The following ADGRB3 variants were observed in gnomAD, a reference collection of about 807,000 sequenced individuals.
The protein encoded by ADGRB3 is adhesion G protein-coupled receptor B3.
Under a neutral mutation model 193.4 loss-of-function variants are expected in ADGRB3, and 37 were observed. The ratio of observed to expected loss-of-function variants is 0.19; its 90% CI spans 0.15 to 0.25. The LOEUF (loss-of-function observed/expected upper bound fraction) is 0.25, where lower values mean the gene tolerates loss of function less well. Ranked by LOEUF, ADGRB3 falls within the 10% of genes least tolerant of loss-of-function variation. The probability of loss-of-function intolerance (pLI) is 1.00; values close to 1 mark genes in which losing one functional copy is unlikely to be tolerated. For missense variants in ADGRB3, 1,637 were observed against 1,852.9 expected, an observed-to-expected ratio of 0.88 and a Z score of 2.14; for synonymous variants, 690 against 644.2, an observed-to-expected ratio of 1.07 and a Z score of -1.08.
chr6:69,124,138 G>A (rs11968068), intron 17 of ADGRB3, among the ~76,000 whole-genome samples: 19,004 of 151,182 alleles, frequency 0.13, 1,254 homozygotes, highest in Middle Eastern at 0.29. Context: ...AATTTTTGAC[G>A]TATCTTTATC....
chr6:68,807,950 T>TGTC (rs1418377570), intron 3 of ADGRB3, among the ~76,000 whole-genome samples: 11 of 152,132 alleles, frequency 7.2e-5, no homozygotes, highest in Non-Finnish European at 1.2e-4. Context: ...TTTCCCAGGG[T>TGTC]GTCTCACTTC....
At chr6:68,952,731 G>T (rs199972122) in intron 6 of ADGRB3, among the ~76,000 whole-genome samples, 68 of 152,056 alleles carry the variant, frequency 4.5e-4, no homozygotes, top group African/African-American at 1.4e-3. Context: ...AAATAAAATC[G>T]CAAAAAATGC....
At position 69,065,120 on chromosome 6, in the gene ADGRB3, G is replaced by A. The variant is rs78893508; in HGVS notation, c.2436+2084G>A. On this transcript the variant is annotated intron_variant, in intron 16 of 31. Transcript: ENST00000370598. Reference sequence around the variant, plus strand: ...CACTTAGAATTAATTGTGTCTTTCAGTATTTTGAGTAAGTGAATTGACCAG... The same window carrying A: ...CACTTAGAATTAATTGTGTCTTTCAATATTTTGAGTAAGTGAATTGACCAG... Among the ~76,000 whole-genome samples the A allele has an allele frequency of 4.2e-4, 64 of 152,282 alleles. No homozygotes were observed. The East Asian group carries it at 0.01, about 25-fold the overall frequency.
intron 20 of ADGRB3, among the ~76,000 whole-genome samples, chr6:69,250,877 T>A (rs1234674417): frequency 6.6e-6 from 1 of 152,210 alleles, no homozygotes; most frequent in Non-Finnish European, 1.5e-5. Context: ...TGAAAATAAG[T>A]GAAGCTTCTA....
intron 3 of ADGRB3, among the ~76,000 whole-genome samples, chr6:68,679,414 G>T (rs1764838782): frequency 6.6e-6 from 1 of 152,078 alleles, no homozygotes. Context: ...TGCACAGAAG[G>T]CACACTGGCT....
At chr6:69,323,887 T>A (rs771723253) in intron 20 of ADGRB3, among the ~76,000 whole-genome samples, 2 of 152,110 alleles carry the variant, frequency 1.3e-5, no homozygotes, top group African/African-American at 2.4e-5. Context: ...AGATATGGGT[T>A]ATAGTTTTAT....
chr6:69,325,093 G>GTAT, intron 21 of ADGRB3, 71 bp downstream of exon 21: 1 of 1,498,884 alleles, frequency 6.7e-7, no homozygotes, highest in Non-Finnish European at 9.0e-7. Flanking sequence ...AAGCAGTCAT[G>GTAT]AGTGATTAGA....
At chr6:69,331,517 G>GT (rs1448984470) in intron 23 of ADGRB3, 60 of 984,844 alleles carry the variant, frequency 6.1e-5, no homozygotes, top group Non-Finnish European at 6.5e-5. Flanking sequence ...TGATATGTCT[G>GT]TTTTTTTCTC....
chr6:68,953,000 T>TA (rs1269954118), intron 6 of ADGRB3, among the ~76,000 whole-genome samples: 2 of 152,140 alleles, frequency 1.3e-5, no homozygotes, highest in Non-Finnish European at 2.9e-5. Context: ...GATGCAGTCT[T>TA]ATTTCAGTAA....
At chr6:69,189,327 A>G (rs554277736) in intron 17 of ADGRB3, among the ~76,000 whole-genome samples, 4 of 152,294 alleles carry the variant, frequency 2.6e-5, no homozygotes, top group African/African-American at 7.2e-5. Context: ...CAGTTCAACT[A>G]TATTTTGATG....
At chr6:69,082,338 A>G (rs192740512) in intron 17 of ADGRB3, among the ~76,000 whole-genome samples, 11 of 152,180 alleles carry the variant, frequency 7.2e-5, no homozygotes, top group African/African-American at 2.6e-4. Flanking sequence ...GAGAGGATCA[A>G]TATCTCCATT....
At chr6:68,832,897 A>C (rs1767981048) in intron 3 of ADGRB3, among the ~76,000 whole-genome samples, 1 of 152,132 alleles carries the variant, frequency 6.6e-6, no homozygotes, top group African/African-American at 2.4e-5. Flanking sequence ...ACAGCACAAC[A>C]TTTACTTCTG....
chr6:69,362,294 T>C (rs933363257), intron 29 of ADGRB3, among the ~76,000 whole-genome samples: 1 of 151,974 alleles, frequency 6.6e-6, no homozygotes, highest in Non-Finnish European at 1.5e-5. Flanking sequence ...AATACATGCA[T>C]ACTTTTATAT....
chr6:69,193,287 C>T (rs960683117), intron 17 of ADGRB3, among the ~76,000 whole-genome samples: 1 of 152,082 alleles, frequency 6.6e-6, no homozygotes, highest in African/African-American at 2.4e-5. Context: ...TGATATGAAG[C>T]AATGTGATGG....
intron 20 of ADGRB3, among the ~76,000 whole-genome samples, chr6:69,295,995 G>A (rs1419649928): frequency 1.3e-5 from 2 of 152,086 alleles, no homozygotes; most frequent in Non-Finnish European, 2.9e-5. Flanking sequence ...ATTCTACTTG[G>A]TGGACTAGTA....
At chr6:69,023,646 A>G (rs776943288) in intron 13 of ADGRB3, among the ~76,000 whole-genome samples, 6 of 152,152 alleles carry the variant, frequency 3.9e-5, no homozygotes, top group Non-Finnish European at 2.9e-5. Flanking sequence ...GAGTCACTGA[A>G]TCTTTACCTG....
intron 3 of ADGRB3, among the ~76,000 whole-genome samples, chr6:68,910,894 T>G (rs1324786165): frequency 6.6e-6 from 1 of 152,180 alleles, no homozygotes; most frequent in Admixed American, 6.5e-5. Context: ...TGTGGGCTCT[T>G]TTTTGGTTCC....
chr6:68,710,993 T>G (rs1386506510), intron 3 of ADGRB3, among the ~76,000 whole-genome samples: 3 of 152,072 alleles, frequency 2.0e-5, no homozygotes, highest in Non-Finnish European at 4.4e-5. Context: ...GGGAAAAACT[T>G]TCTAGTTCCC....
intron 3 of ADGRB3, among the ~76,000 whole-genome samples, chr6:68,824,217 A>T (rs1365170456): frequency 3.5e-5 from 3 of 85,074 alleles, no homozygotes; most frequent in Non-Finnish European, 7.0e-5. Flanking sequence ...CATGTCTCTT[A>T]AACTTTTATT....
Sources: gnomAD v4.1 joint callset for allele counts (sites outside exome capture counted in the v4.1 genomes callset) on GRCh38, gnomAD v4.1.1 for gene constraint, MANE v1.5 for transcripts, NCBI Gene and HGNC (gene_info 2026-07-23, HGNC 2026-07-21) for gene names.